Variants in RIT2 observed in about 807,000 individuals in gnomAD.
RIT2 encodes the protein Ras like without CAAX 2.
A neutral mutation model predicts 23.7 loss-of-function variants in RIT2; 24 were observed. The ratio of observed to expected loss-of-function variants is 1.01; its 90% confidence interval spans 0.73 to 1.43. RIT2 has a LOEUF of 1.43. Ranked by LOEUF, RIT2 falls within the 40% of genes most tolerant of loss-of-function variation. RIT2 has a pLI of 0.00. For missense variants in RIT2, 236 were observed against 266.9 expected (o/e 0.88, Z 0.81); for synonymous variants, 107 against 91.1 (o/e 1.17, Z -0.99).
intron 4 of RIT2, among the ~76,000 whole-genome samples, chr18:42,886,520 A>G (rs538739221): frequency 3.9e-5 from 6 of 152,232 alleles, no homozygotes; most frequent in Non-Finnish European, 7.3e-5. Flanking sequence ...TTCATGGTCA[A>G]GTAGGTCTGC....
At chr18:42,957,502 A>G (rs1909999186) in intron 3 of RIT2, among the ~76,000 whole-genome samples, 1 of 152,116 alleles carries the variant, frequency 6.6e-6, no homozygotes, top group Non-Finnish European at 1.5e-5. Context: ...GCAATTTACA[A>G]TTCACGTAAA....
chr18:42,781,891 C>G (rs184394151), intron 4 of RIT2, among the ~76,000 whole-genome samples: 88 of 152,204 alleles, frequency 5.8e-4, no homozygotes, highest in African/African-American at 2.1e-3. Context: ...TTGACTTTTG[C>G]TCTTGGGAAA....
At chr18:43,062,793 A>G (rs888349581) in intron 1 of RIT2, among the ~76,000 whole-genome samples, 2 of 152,208 alleles carry the variant, frequency 1.3e-5, no homozygotes, top group Non-Finnish European at 2.9e-5. Flanking sequence ...AACTGGGCAC[A>G]TAATAAGAAA....
intron 4 of RIT2, among the ~76,000 whole-genome samples, chr18:42,889,401 A>T (rs1385565555): frequency 6.6e-6 from 1 of 152,040 alleles, no homozygotes; most frequent in African/African-American, 2.4e-5. Context: ...GATGAATTAT[A>T]TTATATATAT....
chr18:42,810,838 CT>C (rs1905831403), intron 4 of RIT2, among the ~76,000 whole-genome samples: 1 of 151,962 alleles, frequency 6.6e-6, no homozygotes, highest in Admixed American at 6.6e-5. Flanking sequence ...TTTATTTTGC[CT>C]GGTTTTACAC....
At chr18:42,804,487 G>A (rs889593452) in intron 4 of RIT2, among the ~76,000 whole-genome samples, 11 of 150,162 alleles carry the variant, frequency 7.3e-5, no homozygotes, top group Non-Finnish European at 1.5e-4. Context: ...CCCAGGAGGC[G>A]GAGATTGCAG....
chr18:43,096,607 C>T (rs1913560246), intron 1 of RIT2, among the ~76,000 whole-genome samples: 1 of 151,878 alleles, frequency 6.6e-6, no homozygotes, highest in African/African-American at 2.4e-5. Context: ...CTTTTATCAG[C>T]CTACAATAAT....
intron 1 of RIT2, among the ~76,000 whole-genome samples, chr18:43,099,649 A>T (rs1913636739): frequency 6.6e-6 from 1 of 152,124 alleles, no homozygotes; most frequent in Admixed American, 6.6e-5. Context: ...AAGATCATAA[A>T]CACATGTGTA....
intron 4 of RIT2, among the ~76,000 whole-genome samples, chr18:42,835,481 T>A (rs1308781767): frequency 6.6e-6 from 1 of 152,148 alleles, no homozygotes; most frequent in East Asian, 1.9e-4. Flanking sequence ...CCATTCTATT[T>A]ATATAATATT....
At chr18:42,981,709 G>T (rs980243905) in intron 2 of RIT2, among the ~76,000 whole-genome samples, 5 of 151,760 alleles carry the variant, frequency 3.3e-5, no homozygotes, top group African/African-American at 1.2e-4. Flanking sequence ...TATTTTAAGG[G>T]AATTCCTTTG....
chr18:42,842,121 C>T (rs992722682), intron 4 of RIT2, among the ~76,000 whole-genome samples: 1 of 152,308 alleles, frequency 6.6e-6, no homozygotes, highest in East Asian at 1.9e-4. Context: ...TGATATTTCT[C>T]CCCAGGGGAA....
intron 2 of RIT2, among the ~76,000 whole-genome samples, chr18:42,977,761 A>G (rs1910507586): frequency 6.6e-6 from 1 of 150,422 alleles, no homozygotes; most frequent in African/African-American, 2.4e-5. Flanking sequence ...AAGGAAATTC[A>G]TTTCTTATGA....
At chr18:43,031,563 A>G (rs781163872) in intron 2 of RIT2, among the ~76,000 whole-genome samples, 4 of 152,060 alleles carry the variant, frequency 2.6e-5, no homozygotes, top group Admixed American at 6.6e-5. Flanking sequence ...ATTGTTGCCA[A>G]TAAATAAGGG....
At chr18:43,036,742 A>C (rs992432717) in intron 1 of RIT2, among the ~76,000 whole-genome samples, 26 of 152,326 alleles carry the variant, frequency 1.7e-4, no homozygotes, top group African/African-American at 5.5e-4. Flanking sequence ...TTGTTTCAGA[A>C]TTCAAAAGAT....
chr18:42,949,044 C>T, intron 3 of RIT2: 2 of 397,678 alleles, frequency 5.0e-6, no homozygotes, highest in East Asian at 7.1e-5. Context: ...CAGCCAGTCA[C>T]ACAGCTGGGG....
intron 2 of RIT2, among the ~76,000 whole-genome samples, chr18:43,017,146 A>T (rs1170865177): frequency 1.3e-5 from 2 of 151,954 alleles, no homozygotes; most frequent in Non-Finnish European, 2.9e-5. Context: ...TGTATCCCTA[A>T]GTAGAATATT....
At position 42,774,166 on chromosome 18, in the gene RIT2, G is replaced by GTT. The variant is rs764176864; in HGVS notation, c.427-30448_427-30447dup. Among the ~76,000 whole-genome samples the GTT allele has an allele frequency of 1.7e-3, 255 of 151,132 alleles. 2 individuals are homozygous for GTT. The highest frequency in any genetic ancestry group is 1.8e-3 in the Non-Finnish European group (119 of 67,676). On this transcript the variant is annotated intron_variant, in intron 4 of 4. Coordinates refer to ENST00000326695, the MANE Select transcript of RIT2 (RefSeq NM_002930.4). Reference sequence around the variant, plus strand: ...AAGCAATTCAGACCATTTACAAAATGTTTTTTTTTCTCTTTGATGTCTCAC... The same window carrying GTT: ...AAGCAATTCAGACCATTTACAAAATGTTTTTTTTTTTCTCTTTGATGTCTCAC...
At chr18:42,895,788 C>G (rs1908312618) in intron 4 of RIT2, among the ~76,000 whole-genome samples, 1 of 152,142 alleles carries the variant, frequency 6.6e-6, no homozygotes, top group Non-Finnish European at 1.5e-5. Flanking sequence ...AAAGGGATCT[C>G]TCAGTCACAA....
intron 4 of RIT2, among the ~76,000 whole-genome samples, chr18:42,780,047 G>GTGT (rs1913771005): frequency 3.4e-5 from 2 of 59,568 alleles, no homozygotes; most frequent in Admixed American, 3.0e-4. Context: ...CAATTTAGAG[G>GTGT]TTTTTTTTTT....
Sources: allele counts gnomAD v4.1 joint callset (sites outside exome capture counted in the v4.1 genomes callset), GRCh38; gene constraint gnomAD v4.1.1; transcripts MANE v1.5; gene names NCBI Gene and HGNC (gene_info 2026-07-23, HGNC 2026-07-21).